The following PCNX2 variants were observed in gnomAD, a reference collection of about 807,000 sequenced individuals.
The protein encoded by PCNX2 is pecanex-like protein 2.
PCNX2 carries 168 observed loss-of-function variants against 223.8 expected under a neutral mutation model. That is an observed-to-expected ratio of 0.75 (90% CI 0.66 to 0.85). The LOEUF is 0.85. PCNX2 is among the 40% of genes least tolerant of loss of function. The pLI, the probability that PCNX2 is intolerant of heterozygous loss-of-function variation, is 0.00. For synonymous variants in PCNX2, 1,006 were observed against 1,052.6 expected, an observed-to-expected ratio of 0.96 and a Z score of 0.86; for missense variants, 2,507 against 2,675.5, an observed-to-expected ratio of 0.94 and a Z score of 1.39.
intron 28 of PCNX2, among the ~76,000 whole-genome samples, chr1:233,006,210 G>A (rs987043491): frequency 6.6e-6 from 1 of 152,184 alleles, no homozygotes; most frequent in African/African-American, 2.4e-5. Flanking sequence ...AGATGACGAT[G>A]AGGAGCTAAC....
At chr1:233,166,782 ATT>A (rs879389983) in intron 17 of PCNX2, among the ~76,000 whole-genome samples, 1 of 151,292 alleles carries the variant, frequency 6.6e-6, no homozygotes, top group African/African-American at 2.4e-5. Context: ...AAAATAATAT[ATT>A]TTTTTTTGGT....
At chr1:233,172,847 G>A (rs1490747374) in intron 17 of PCNX2, among the ~76,000 whole-genome samples, 1 of 152,108 alleles carries the variant, frequency 6.6e-6, no homozygotes, top group South Asian at 2.1e-4. Flanking sequence ...CATAATATCA[G>A]AAATGAAAAA....
chr1:233,200,895 G>A lies in PCNX2; in HGVS notation c.2864-631C>T, dbSNP rs941521691. Reference sequence around the variant, plus strand: ...ACAAAAATTAGCTGGGCGTGGTGGCGGGCGCCTGTAGTCCCAGCTACTCGG... The same window carrying A: ...ACAAAAATTAGCTGGGCGTGGTGGCAGGCGCCTGTAGTCCCAGCTACTCGG... On this transcript the variant is annotated intron_variant, in intron 13 of 33. Coordinates refer to ENST00000258229, the MANE Select transcript of PCNX2 (RefSeq NM_014801.4). Among the ~76,000 whole-genome samples the A allele has an allele frequency of 2.0e-5, 3 of 151,162 alleles. No homozygotes were observed. The East Asian group carries it at 5.9e-4, about 30-fold the overall frequency.
chr1:233,313,491 A>C, the PCNX2 span, among the ~76,000 whole-genome samples: 3 of 152,192 alleles, frequency 2.0e-5, no homozygotes, highest in Non-Finnish European at 4.4e-5. Context: ...TTTGTACTAC[A>C]ACTTAGAAAC....
rs1172125448 is a variant in PCNX2, at chr1:233,262,050, G to A, written c.475C>T (p.Pro159Ser). 2 of 1,613,714 alleles carry A rather than the reference G, an allele frequency of 1.2e-6. No homozygotes were observed. Among genetic ancestry groups the A allele is most frequent in the African/African-American group, 1.3e-5 (1 of 75,040 alleles). ...CAGGAAAGAAGACCACTAACCAATGGCCCAGAAGAGTGATGAGAGGTTATG... is the reference window on the plus strand; with the variant it reads ...CAGGAAAGAAGACCACTAACCAATGACCCAGAAGAGTGATGAGAGGTTATG... The part of the protein sequence containing the change: ...QSITSHHSSG[P>S]LELSAQETVE... The change falls in exon 3 of 34, where the codon CCA (proline) becomes TCA (serine). Residue 159 changes from proline (P) to serine (S), a missense_variant. This residue lies in a region of PCNX2 where 1,031 missense variants were observed against 1,021.7 expected (regional missense o/e 1.01). Transcript: ENST00000258229.
the PCNX2 span, among the ~76,000 whole-genome samples, chr1:233,320,976 A>G: frequency 6.6e-6 from 1 of 151,684 alleles, no homozygotes; most frequent in Non-Finnish European, 1.5e-5. Flanking sequence ...TCCACGGAAT[A>G]AGAGATTCAC....
intron 21 of PCNX2, among the ~76,000 whole-genome samples, chr1:233,130,371 A>G (rs1486846021): frequency 2.6e-5 from 4 of 151,834 alleles, no homozygotes; most frequent in African/African-American, 9.7e-5. Flanking sequence ...GCCATTCACT[A>G]GGAAGTGTCT....
At chr1:233,122,595 C>T (rs1675865979) in intron 21 of PCNX2, among the ~76,000 whole-genome samples, 5 of 151,254 alleles carry the variant, frequency 3.3e-5, no homozygotes, top group Admixed American at 3.3e-4. Context: ...ATGATCTTGG[C>T]TCACTGCAAC....
chr1:233,161,340 G>A lies in PCNX2; in HGVS notation c.3297C>T (p.Leu1099=). 6.2e-7 allele frequency: 1 copy of A among 1,613,846 alleles called. No homozygotes were observed. The highest frequency in any genetic ancestry group is 2.2e-5 in the East Asian group (1 of 44,868). Residue 1099 remains leucine (L), a synonymous_variant, in exon 18 of 34, where the codon CTC becomes CTT. Transcript: ENST00000258229. The part of the protein sequence containing the change: ...DSVTDVLKWD[L]IVCAVVAVLS... ...GGACAGCAACCACTGCGCAGACGATGAGATCCCATTTTAAGACATCCGTCT... is the reference window on the plus strand; with the variant it reads ...GGACAGCAACCACTGCGCAGACGATAAGATCCCATTTTAAGACATCCGTCT...
intron 28 of PCNX2, among the ~76,000 whole-genome samples, chr1:233,010,333 T>G (rs569486730): frequency 1.0e-3 from 152 of 152,378 alleles, no homozygotes; most frequent in African/African-American, 3.3e-3. Context: ...ATGCCACAGC[T>G]TGGCAGAGCA....
intron 23 of PCNX2, chr1:233,057,919 G>C: frequency 1.0e-6 from 1 of 985,164 alleles, no homozygotes; most frequent in Non-Finnish European, 1.2e-6. Flanking sequence ...CTTGAGAACA[G>C]TGTCCACAAA....
intron 23 of PCNX2, among the ~76,000 whole-genome samples, chr1:233,070,698 T>G (rs934943665): frequency 1.3e-5 from 2 of 148,412 alleles, no homozygotes; most frequent in Non-Finnish European, 1.5e-5. Context: ...CTCAGAAAAA[T>G]AGAATTAGAT....
chr1:233,227,115 G>A (rs568911681), intron 10 of PCNX2, 111 bp downstream of exon 10: 17 of 1,272,890 alleles, frequency 1.3e-5, no homozygotes, highest in Admixed American at 8.5e-5. Flanking sequence ...CAAAGGAAGC[G>A]TACAACTTGA....
intron 15 of PCNX2, among the ~76,000 whole-genome samples, chr1:233,189,568 T>G (rs1278151318): frequency 6.6e-6 from 1 of 152,166 alleles, no homozygotes; most frequent in Non-Finnish European, 1.5e-5. Context: ...CAGCATTAAA[T>G]AATATCTAGA....
intron 19 of PCNX2, among the ~76,000 whole-genome samples, chr1:233,148,827 T>C (rs1677625385): frequency 1.3e-5 from 2 of 152,260 alleles, no homozygotes; most frequent in Admixed American, 1.3e-4. Flanking sequence ...TCATACTGAA[T>C]GTTTATAGTT....
intron 32 of PCNX2, among the ~76,000 whole-genome samples, chr1:232,996,961 G>A (rs1422530738): frequency 6.8e-6 from 1 of 147,842 alleles, no homozygotes; most frequent in Non-Finnish European, 1.5e-5. Context: ...CAGATCTGCG[G>A]AGCTGGACAT....
chr1:233,295,998 C>CTTTTTTTTTTTTTTT (rs201102619), upstream of PCNX2, among the ~76,000 whole-genome samples: 6 of 96,884 alleles, frequency 6.2e-5, no homozygotes, highest in East Asian at 3.0e-4. This position sits in a 1 kb window ranked among gnomAD's most constrained non-coding sequence, Gnocchi z 4.1. Context: ...TTCTTTCTTT[C>CTTTTTTTTTTTTTTT]TTTCTTTTTT....
the PCNX2 span, among the ~76,000 whole-genome samples, chr1:233,325,502 C>A: frequency 6.7e-4 from 93 of 138,036 alleles, no homozygotes; most frequent in South Asian, 1.4e-3. Context: ...ACTAAAAATA[C>A]AAAAAAAAAA....
intron 15 of PCNX2, among the ~76,000 whole-genome samples, chr1:233,179,396 C>T (rs1324525164): frequency 6.6e-6 from 1 of 152,168 alleles, no homozygotes; most frequent in African/African-American, 2.4e-5. Flanking sequence ...ACTAATTATA[C>T]ATACTTATAA....
Sources: allele counts gnomAD v4.1 joint callset (sites outside exome capture counted in the v4.1 genomes callset), GRCh38; gene constraint gnomAD v4.1.1; regional missense constraint gnomAD v4.1.1; non-coding constraint Gnocchi (gnomAD v3.1); transcripts MANE v1.5; gene names NCBI Gene and HGNC (gene_info 2026-07-23, HGNC 2026-07-21).